Variants in ZNF26 observed in about 807,000 individuals in gnomAD.
ZNF26 encodes epididymis luminal protein 179.
Under a neutral mutation model 54.9 loss-of-function variants are expected in ZNF26, and 32 were observed. That is an observed-to-expected ratio of 0.58 (90% confidence interval 0.44 to 0.78). ZNF26 has a LOEUF of 0.78. Among genes scored for constraint, ZNF26 ranks in the 30% least tolerant of loss-of-function variants. The pLI, the probability that ZNF26 is intolerant of heterozygous loss-of-function variation, is 0.00. For synonymous variants in ZNF26, 221 were observed against 209.2 expected, an observed-to-expected ratio of 1.06 and a Z score of -0.49; for missense variants, 524 against 634.0, an observed-to-expected ratio of 0.83 and a Z score of 1.86.
At chr12:132,991,459 C>T (rs374609952) in intron 1 of ZNF26, among the ~76,000 whole-genome samples, 1 of 151,680 alleles carries the variant, frequency 6.6e-6, no homozygotes, top group Non-Finnish European at 1.5e-5. Context: ...GATCGTGCCA[C>T]TGCACTCCAG....
At chr12:132,993,035 T>TTTTTG (rs1246752228) in intron 1 of ZNF26, among the ~76,000 whole-genome samples, 1 of 150,218 alleles carries the variant, frequency 6.7e-6, no homozygotes, top group Non-Finnish European at 1.5e-5. Flanking sequence ...TTCTTTTTTT[T>TTTTTG]TTTTTTTGAG....
At position 133,001,778 on chromosome 12, in the gene ZNF26, C is replaced by CCTCACTCCCCAGCTGCCTTTTGAGAGT; in HGVS notation, c.34-5262_34-5236dup. 8.9e-7 allele frequency: 1 copy of CCTCACTCCCCAGCTGCCTTTTGAGAGT among 1,128,048 alleles called. No individual in the cohort carries two copies. Among genetic ancestry groups the CCTCACTCCCCAGCTGCCTTTTGAGAGT allele is most frequent in the South Asian group, 1.3e-5 (1 of 77,774 alleles). The allele number at this position is 1,128,048 out of a possible 1,614,324, so 69.9% of individuals were successfully genotyped here. On this transcript the variant is annotated intron_variant, in intron 1 of 3. Coordinates refer to ENST00000328654, the MANE Select transcript of ZNF26 (RefSeq NM_019591.4). The surrounding 1 kb of genome is among the most constrained non-coding windows in gnomAD (Gnocchi z 4.7). ...CCCTGTTTGAGGTGAGCTGCTGAAC[C>CCTCACTCCCCAGCTGCCTTTTGAGAGT]CTCACTCCCCAGCTGCCTTTTGAGA...
intron 1 of ZNF26, chr12:133,006,695 A>G (rs1487630331): frequency 1.7e-5 from 3 of 181,246 alleles, no homozygotes; most frequent in African/African-American, 2.4e-5. Context: ...CCTGGGTTCA[A>G]GTGATTCTCC....
intron 3 of ZNF26, 40 bp downstream of exon 3, chr12:133,007,572 T>A: frequency 7.0e-7 from 1 of 1,429,880 alleles, no homozygotes; most frequent in South Asian, 1.2e-5. Flanking sequence ...GGCATGGGAG[T>A]GAGCTGATGA....
intron 3 of ZNF26, among the ~76,000 whole-genome samples, chr12:133,008,611 C>T (rs993440457): frequency 2.6e-5 from 4 of 151,600 alleles, no homozygotes; most frequent in East Asian, 3.9e-4. Context: ...CCCGTCTCTA[C>T]TAAAAATACA....
chr12:132,988,043 C>G (rs1407942871), intron 1 of ZNF26, among the ~76,000 whole-genome samples: 3 of 152,210 alleles, frequency 2.0e-5, no homozygotes, highest in African/African-American at 4.8e-5. Flanking sequence ...GAGTCTCGCT[C>G]TGTCGCCCAG....
intron 1 of ZNF26, among the ~76,000 whole-genome samples, chr12:132,994,550 C>T (rs989981144): frequency 4.1e-4 from 63 of 152,286 alleles, no homozygotes; most frequent in African/African-American, 1.4e-3. Flanking sequence ...AGATATTCTT[C>T]TAGGTCTTTC....
chr12:133,006,940 A>G, intron 1 of ZNF26, 102 bp from the exon 2 acceptor site: 7 of 1,366,350 alleles, frequency 5.1e-6, no homozygotes, highest in African/African-American at 2.9e-5. Flanking sequence ...GCCACAGGAA[A>G]TAGTTGGTAG....
At position 133,023,316 on chromosome 12, in the gene ZNF26, A is replaced by G. The variant is rs1364141713; in HGVS notation, c.*11835A>G. 6.6e-6 allele frequency: 1 copy of G among 152,228 alleles called. No homozygotes were observed. The highest frequency in any genetic ancestry group is 1.5e-5 in the Non-Finnish European group (1 of 68,032). The allele number at this position is 152,228 out of a possible 1,614,324, so 9.4% of individuals were successfully genotyped here. A position where few individuals can be genotyped will look rare whatever the true frequency, so the allele number is the denominator to read the frequency against. On this transcript the variant is annotated 3_prime_UTR_variant, in exon 4 of 4. Transcript: ENST00000328654. ...TATCAAAAGCTTCCCTCAGTGAAATATAGCAAAGCCCAGATGGATGTCCAA... is the reference window on the plus strand; with the variant it reads ...TATCAAAAGCTTCCCTCAGTGAAATGTAGCAAAGCCCAGATGGATGTCCAA...
intron 3 of ZNF26, among the ~76,000 whole-genome samples, chr12:133,008,797 A>G (rs749553697): frequency 7.7e-4 from 115 of 149,752 alleles, no homozygotes; most frequent in Non-Finnish European, 1.5e-3. Flanking sequence ...AAAAAAAAAG[A>G]AAAACACCTG....
In ZNF26 at chr12:132,986,769, C is replaced by A; in HGVS notation, c.-72C>A. ...GGTCCCGCACCTGTCTTCGGGCGGA[C>A]GCATCCCTCACGGTCTCTCCGCAGC... On this transcript the variant is annotated 5_prime_UTR_variant, in exon 1 of 4. Transcript: ENST00000328654. 6.6e-7 allele frequency: 1 copy of A among 1,516,674 alleles called. No individual in the cohort carries two copies. The highest frequency in any genetic ancestry group is 9.0e-7 in the Non-Finnish European group (1 of 1,116,868). The allele number at this position is 1,516,674 out of a possible 1,614,324, so 94.0% of individuals were successfully genotyped here. A position where few individuals can be genotyped will look rare whatever the true frequency, so the allele number is the denominator to read the frequency against.
At position 133,007,172 on chromosome 12, in the gene ZNF26, A is replaced by G; in HGVS notation, c.160+4A>G. On this transcript the variant is annotated splice_donor_region_variant and intron_variant, in intron 2 of 3. Coordinates refer to ENST00000328654, the MANE Select transcript of ZNF26 (RefSeq NM_019591.4). ...TATCATAACCTGATATCAGTGGGTA[A>G]GTACTGCGTCTCAATGTTACTCAGA... 6.2e-7 allele frequency: 1 copy of G among 1,613,562 alleles called. No individual in the cohort carries two copies. Among genetic ancestry groups the G allele is most frequent in the Admixed American group, 1.7e-5 (1 of 59,988 alleles).
chr12:132,990,883 G>A (rs1448863739), intron 1 of ZNF26, among the ~76,000 whole-genome samples: 4 of 151,716 alleles, frequency 2.6e-5, no homozygotes, highest in Non-Finnish European at 5.9e-5. Flanking sequence ...TTTTTTGATA[G>A]AGTCTCACTC....
chr12:132,991,993 C>G (rs1952973501), intron 1 of ZNF26, among the ~76,000 whole-genome samples: 1 of 151,780 alleles, frequency 6.6e-6, no homozygotes, highest in South Asian at 2.1e-4. Flanking sequence ...ACTACAAATA[C>G]AAAAATTAGC....
intron 1 of ZNF26, among the ~76,000 whole-genome samples, chr12:132,993,405 T>G (rs1953006244): frequency 1.3e-5 from 2 of 152,152 alleles, no homozygotes; most frequent in African/African-American, 4.8e-5. Context: ...AAGTTTTGTC[T>G]GATACCTTCA....
rs1469905866 is a variant in ZNF26 at position 133,024,682 on chromosome 12, A to G, written c.*13201A>G. ...AAGCGGTGCCTCCTGACCCCCTTCA[A>G]TGAATAAACAAAAAGGACTTCTAAG... On this transcript the variant is annotated 3_prime_UTR_variant, in exon 4 of 4. Transcript: ENST00000328654. 2 of 152,190 alleles carry G rather than the reference A, an allele frequency of 1.3e-5. No homozygotes were observed. The highest frequency in any genetic ancestry group is 6.5e-5 in the Admixed American group (1 of 15,280). The allele number at this position is 152,190 out of a possible 1,614,324, so 9.4% of individuals were successfully genotyped here. A position where few individuals can be genotyped will look rare whatever the true frequency, so the allele number is the denominator to read the frequency against.
At chr12:132,989,110 C>T (rs1221560809) in intron 1 of ZNF26, among the ~76,000 whole-genome samples, 2 of 140,432 alleles carry the variant, frequency 1.4e-5, no homozygotes, top group African/African-American at 5.3e-5. Context: ...AATCTCGGCT[C>T]ACTGCAACCT....
chr12:133,011,460 A>G lies in ZNF26; in HGVS notation c.1581A>G (p.Ile527Met), dbSNP rs1953471306. 2 of 1,552,002 alleles carry G rather than the reference A, an allele frequency of 1.3e-6. No homozygotes were observed. Among genetic ancestry groups the G allele is most frequent in the Non-Finnish European group, 1.7e-6 (2 of 1,153,620 alleles). ...KSFCWNSGLR[I>M]HRKTHK Reference sequence around the variant, plus strand: ...TCTGTTGGAATTCAGGGCTTCGTATACATCGGAAGACTCATAAATGAGAAA... The same window carrying G: ...TCTGTTGGAATTCAGGGCTTCGTATGCATCGGAAGACTCATAAATGAGAAA... Residue 527 changes from isoleucine (I) to methionine (M), a missense_variant, in exon 4 of 4, where the codon ATA becomes ATG. Transcript: ENST00000328654.
rs1953698320 is a variant in ZNF26 at position 133,026,004 on chromosome 12, G to C, written c.*14523G>C. 1 of 152,266 alleles carries C rather than the reference G, an allele frequency of 6.6e-6. No homozygotes were observed. 9.4% of individuals were successfully genotyped at this position (152,266 alleles called of 1,614,324 possible). On this transcript the variant is annotated 3_prime_UTR_variant, in exon 4 of 4. Transcript: ENST00000328654. ...GTGAGAGATGCCTAAAACACCCCCA[G>C]GCATTCCAGCCCCTTCTGTTCTAGA... is the stretch of plus-strand genomic sequence containing the variant.
Sources: gnomAD v4.1 joint callset for allele counts (sites outside exome capture counted in the v4.1 genomes callset) on GRCh38, gnomAD v4.1.1 for gene constraint, Gnocchi (gnomAD v3.1) non-coding constraint, MANE v1.5 for transcripts, NCBI Gene and HGNC (gene_info 2026-07-23, HGNC 2026-07-21) for gene names.